Variants in PRAMEF4 observed in about 807,000 individuals in gnomAD.
PRAMEF4 encodes PRAME family member 4, also known as RP5-845O24.6.
PRAMEF4 carries 18 observed loss-of-function variants against 34.4 expected under a neutral mutation model. The ratio of observed to expected loss-of-function variants is 0.52; its 90% confidence interval spans 0.36 to 0.78. PRAMEF4 has a LOEUF of 0.78. Ranked by LOEUF, PRAMEF4 falls within the 30% of genes least tolerant of loss-of-function variation. PRAMEF4 has a pLI of 0.00. For missense variants in PRAMEF4, 482 were observed against 569.1 expected, an observed-to-expected ratio of 0.85 and a Z score of 1.56; for synonymous variants, 156 against 219.3, an observed-to-expected ratio of 0.71 and a Z score of 2.55.
intron 1 of PRAMEF4, among the ~76,000 whole-genome samples, chr1:12,883,937 C>T (rs1288564984): frequency 7.1e-6 from 1 of 140,518 alleles, no homozygotes; most frequent in Non-Finnish European, 1.6e-5. Context: ...TTCTTTCCCC[C>T]TCTCTCTCCC....
intron 3 of PRAMEF4, among the ~76,000 whole-genome samples, chr1:12,880,876 C>G (rs1205363445): frequency 6.8e-6 from 1 of 146,078 alleles, no homozygotes. Context: ...CCCTCTGTTT[C>G]AGAATCATGC....
intron 1 of PRAMEF4, among the ~76,000 whole-genome samples, chr1:12,884,200 A>C (rs1640950392): frequency 6.8e-6 from 1 of 147,156 alleles, no homozygotes; most frequent in Non-Finnish European, 1.5e-5. Context: ...CTTTTTGTAA[A>C]GACAGTGGAT....
intron 3 of PRAMEF4, among the ~76,000 whole-genome samples, chr1:12,881,384 T>C (rs1640884658): frequency 6.7e-6 from 1 of 148,754 alleles, no homozygotes; most frequent in Non-Finnish European, 1.5e-5. Flanking sequence ...AAAAGTTATC[T>C]TGTTTGTTTT....
chr1:12,883,689 T>G (rs1934465), intron 1 of PRAMEF4, among the ~76,000 whole-genome samples: 21,530 of 145,520 alleles, frequency 0.15, 2,870 homozygotes, highest in African/African-American at 0.26. Flanking sequence ...AACCTGAAAG[T>G]GAACCCCTCC....
intron 3 of PRAMEF4, among the ~76,000 whole-genome samples, chr1:12,881,081 G>T (rs1358845603): frequency 6.8e-6 from 1 of 148,148 alleles, no homozygotes; most frequent in Non-Finnish European, 1.5e-5. Context: ...AAATTATCTT[G>T]TTGGCTGGGC....
chr1:12,885,729 G>C (rs1274294172), intron 1 of PRAMEF4, among the ~76,000 whole-genome samples: 15 of 147,110 alleles, frequency 1.0e-4, no homozygotes, highest in African/African-American at 3.8e-4. Context: ...AGGTTGCAGG[G>C]AGTTGAGATC....
At position 12,880,703 on chromosome 1, in the gene PRAMEF4, T is replaced by G. The variant is rs1640871814; in HGVS notation, c.876-598A>C. The stretch of plus-strand genomic sequence containing the variant: ...CTCATCTGTCAGGCAGAAAACCACA[T>G]CCCTGGGCCACAGGAGCCCAGTGGA... On this transcript the variant is annotated intron_variant, in intron 3 of 3. Transcript: ENST00000235349. Among the ~76,000 whole-genome samples the G allele has an allele frequency of 4.7e-5, 7 of 147,940 alleles. No homozygotes were observed. In the South Asian group the frequency reaches 1.3e-3, roughly 27 times the overall value.
Position 12,882,028 on chromosome 1 carries a change from C to T in PRAMEF4, c.701G>A (p.Arg234Lys), listed in dbSNP as rs1640898922. Residue 234 changes from arginine to lysine, a missense_variant, in exon 3 of 4, where the codon AGG (arginine) becomes AAG (lysine). Around this residue, in one of 6 missense-constraint regions of PRAMEF4, gnomAD observed 81 missense variants for 73.1 expected, o/e 1.11. Coordinates refer to ENST00000235349, the MANE Select transcript of PRAMEF4 (RefSeq NM_001009611.4). ...GGAGAGAATGAGTTTCTGAAGATTC[C>T]TCATGTGGCCCAGGTATGGGGTAAA... ...TQFTPYLGHM[R>K]NLQKLILSHM... 9 of 1,590,832 alleles carry T rather than the reference C, an allele frequency of 5.7e-6. 1 individual carries two copies. Among genetic ancestry groups the T allele is most frequent in the South Asian group, 5.5e-5 (5 of 90,092 alleles).
intron 2 of PRAMEF4, among the ~76,000 whole-genome samples, 163 bp from the exon 3 acceptor site, chr1:12,882,598 G>GTT (rs1198810165): frequency 2.1e-5 from 3 of 142,006 alleles, no homozygotes; most frequent in South Asian, 2.3e-4. Context: ...ACATTGTTTT[G>GTT]TTTTTTTTTT....
chr1:12,884,714 GAGAC>G (rs1303894723), intron 1 of PRAMEF4, among the ~76,000 whole-genome samples: 1 of 148,360 alleles, frequency 6.7e-6, no homozygotes, highest in African/African-American at 2.5e-5. Flanking sequence ...ATTGAACAGA[GAGAC>G]AGAGAGAGCT....
In PRAMEF4 at chr1:12,883,212, C is replaced by T. The variant is rs375325917; in HGVS notation, c.183G>A (p.Trp61Ter). The T allele has an allele frequency of 1.8e-5, 28 of 1,599,560 alleles. 2 individuals carry two copies. The highest frequency in any genetic ancestry group is 2.4e-5 in the Non-Finnish European group (28 of 1,173,186). Residue 61 changes from tryptophan to a stop codon, truncating the protein, a stop_gained, in exon 2 of 4, where the codon TGG becomes TGA. Transcript: ENST00000235349. LOFTEE classifies it high-confidence loss of function. ...CEALKLMVQS[W>*]PFRRLPLRPL... ...GCCTCAGAGGGAGGCGGCGGAAGGG[C>T]CAGGACTGCACCATCAGCTTCAGGG...
intron 3 of PRAMEF4, among the ~76,000 whole-genome samples, 194 bp from the exon 4 acceptor site, chr1:12,880,299 G>A (rs369149522): frequency 0.035 from 5,213 of 149,212 alleles, 1 homozygote; most frequent in East Asian, 0.12. Flanking sequence ...CTTTAGACCC[G>A]GCCCAGTAAC....
At position 12,881,982 on chromosome 1, in the gene PRAMEF4, G is replaced by A. The variant is rs77485387; in HGVS notation, c.747C>T (p.Tyr249=). The part of the protein sequence containing the change: ...LILSHMDVSR[Y]VSPEQKKEIV... ...TCTCCTTCTTCTGCTCTGGGGAAACGTAGCGAGAGACATCCATGTGGGAGA... is the reference window on the plus strand; with the variant it reads ...TCTCCTTCTTCTGCTCTGGGGAAACATAGCGAGAGACATCCATGTGGGAGA... Residue 249 remains tyrosine (Y), a synonymous_variant, in exon 3 of 4, where the codon TAC becomes TAT. Transcript: ENST00000235349. 6,690 of 1,586,480 alleles carry A rather than the reference G, an allele frequency of 4.2e-3. 682 individuals carry two copies. In the African/African-American group the frequency reaches 0.075, roughly 18 times the overall value.
rs1193859731 is a variant in PRAMEF4, at chr1:12,883,275, T to TG, written c.119dup (p.Leu41ThrfsTer12). The TG allele has an allele frequency of 1.3e-6, 2 of 1,594,338 alleles. No individual in the cohort carries two copies. The highest frequency in any genetic ancestry group is 1.7e-6 in the Non-Finnish European group (2 of 1,170,386). On this transcript the variant is annotated frameshift_variant, in exon 2 of 4. Coordinates refer to ENST00000235349, the MANE Select transcript of PRAMEF4 (RefSeq NM_001009611.4). LOFTEE classifies it high-confidence loss of function. ...TCCTGCTGAAGGCCTCCATGAACAG[T>TG]GGGGGGAAAAGTTCTGTGGGCAGCT...
rs1183757455 is a variant in PRAMEF4 at position 12,879,417 on chromosome 1, C to A, written c.*127G>T. ...CCCTGCTTGATCAGCTTTCCTTTCC[C>A]ACTTTCAGAGCCTATGTGTGAAATG... On this transcript the variant is annotated 3_prime_UTR_variant, in exon 4 of 4. Transcript: ENST00000235349. 1 of 691,754 alleles carries A rather than the reference C, an allele frequency of 1.4e-6. No individual in the cohort carries two copies. The highest frequency in any genetic ancestry group is 2.3e-6 in the Non-Finnish European group (1 of 428,028). 42.9% of individuals were successfully genotyped at this position (691,754 alleles called of 1,614,324 possible). A position where few individuals can be genotyped will look rare whatever the true frequency, so the allele number is the denominator to read the frequency against.
chr1:12,881,353 A>T lies in PRAMEF4; in HGVS notation c.875+501T>A, dbSNP rs867928534. On this transcript the variant is annotated intron_variant, in intron 3 of 3. Transcript: ENST00000235349. Reference sequence around the variant, plus strand: ...TGCACTGTAGCCTAGACGATCAAAGAGAAACTCCATCTCAGAAAAAAAAAG... The same window carrying T: ...TGCACTGTAGCCTAGACGATCAAAGTGAAACTCCATCTCAGAAAAAAAAAG... 9.4e-5 allele frequency among the ~76,000 whole-genome samples: 14 copies of T among 148,320 alleles called. 1 individual carries two copies. The highest frequency in any genetic ancestry group is 1.5e-4 in the African/African-American group (6 of 39,778).
At position 12,884,718 on chromosome 1, in the gene PRAMEF4, CAG is replaced by C. The variant is rs1217358158; in HGVS notation, c.-16-1310_-16-1309del. Among the ~76,000 whole-genome samples the C allele has an allele frequency of 9.4e-5, 14 of 148,184 alleles. 1 individual carries two copies. Among genetic ancestry groups the C allele is most frequent in the East Asian group, 5.9e-4 (3 of 5,098 alleles). ...AAATAGGCTAGATTGAACAGAGAGA[CAG>C]AGAGAGCTACATTTGACTAGACTTC... On this transcript the variant is annotated intron_variant, in intron 1 of 3. Transcript: ENST00000235349.
At chr1:12,883,788 C>G (rs1005062430) in intron 1 of PRAMEF4, among the ~76,000 whole-genome samples, 1 of 147,352 alleles carries the variant, frequency 6.8e-6, no homozygotes, top group East Asian at 2.0e-4. Flanking sequence ...TTTTCAGTTC[C>G]TACAAATAAG....
intron 2 of PRAMEF4, 66 bp from the exon 3 acceptor site, chr1:12,882,501 T>C: frequency 1.3e-6 from 2 of 1,566,742 alleles, no homozygotes; most frequent in East Asian, 2.2e-5. Flanking sequence ...CTCCACATCC[T>C]GGATAGCAGC....
Sources: allele counts gnomAD v4.1 joint callset (sites outside exome capture counted in the v4.1 genomes callset), GRCh38; gene constraint gnomAD v4.1.1; regional missense constraint gnomAD v4.1.1; transcripts MANE v1.5; gene names NCBI Gene and HGNC (gene_info 2026-07-23, HGNC 2026-07-21).